Variants in PTPRD observed in about 807,000 individuals in gnomAD.
PTPRD encodes protein tyrosine phosphatase receptor type D.
A neutral mutation model predicts 214.5 loss-of-function variants in PTPRD; 34 were observed. That is an observed-to-expected ratio of 0.16 (90% CI 0.12 to 0.21). The LOEUF is 0.21. Among genes scored for constraint, PTPRD ranks in the 10% least tolerant of loss-of-function variants. The pLI is 1.00. For missense variants in PTPRD, 2,545 were observed against 2,398.7 expected (o/e 1.06, Z -1.27); for synonymous variants, 1,128 against 845.7 (o/e 1.33, Z -5.79).
chr9:9,241,180 T>A (rs10977605), intron 9 of PTPRD, among the ~76,000 whole-genome samples: 16,214 of 152,170 alleles, frequency 0.11, 1,088 homozygotes, highest in Middle Eastern at 0.14. Flanking sequence ...ATTACTTAAA[T>A]GTTAACTTTT....
intron 14 of PTPRD, among the ~76,000 whole-genome samples, chr9:8,553,984 C>T (rs7864977): frequency 0.038 from 5,804 of 151,908 alleles, 315 homozygotes; most frequent in African/African-American, 0.12. Flanking sequence ...GTCAGGAGTT[C>T]GAGACTAGCC....
rs1394653132 is a variant in PTPRD, at chr9:8,482,287, T to TTAAAGCA, written c.3413+1831_3413+1832insTGCTTTA. Reference sequence around the variant, plus strand: ...TCATCATTAAAGCAGCTACCAATAATGTATGCTGTACTACTACTCTAGTGT... The same window carrying TTAAAGCA: ...TCATCATTAAAGCAGCTACCAATAATTAAAGCAGTATGCTGTACTACTACTCTAGTGT... On this transcript the variant is annotated intron_variant, in intron 30 of 45. Transcript: ENST00000381196. Among the ~76,000 whole-genome samples, 437 of 150,674 alleles carry TTAAAGCA rather than the reference T, an allele frequency of 2.9e-3. 2 individuals are homozygous for TTAAAGCA. The highest frequency in any genetic ancestry group is 9.6e-3 in the African/African-American group (394 of 40,858).
chr9:9,790,521 T>C (rs2098959932), intron 5 of PTPRD, among the ~76,000 whole-genome samples: 1 of 152,240 alleles, frequency 6.6e-6, no homozygotes, highest in Admixed American at 6.5e-5. Context: ...AAATGTTTTG[T>C]AAGTTATTCT....
At chr9:9,961,345 G>C (rs934849814) in intron 4 of PTPRD, among the ~76,000 whole-genome samples, 91 of 152,208 alleles carry the variant, frequency 6.0e-4, no homozygotes, top group African/African-American at 2.0e-3. Context: ...GAAACAATAG[G>C]CAATGTATTT....
intron 11 of PTPRD, among the ~76,000 whole-genome samples, chr9:8,801,785 AG>A (rs1370808128): frequency 7.2e-5 from 11 of 152,180 alleles, no homozygotes; most frequent in African/African-American, 2.4e-4. Flanking sequence ...CCTGGCTCCT[AG>A]TGTTACTTCT....
rs1044827535 is a variant in PTPRD, at chr9:8,318,221, T to G, written c.5671-279A>C. On this transcript the variant is annotated intron_variant, in intron 45 of 45. Coordinates refer to ENST00000381196, the MANE Select transcript of PTPRD (RefSeq NM_002839.4). ...ACATTACCTTCCCAGACAAGTGTTT[T>G]CCAAGTAGTATCAAACCATTACCAC... Among the ~76,000 whole-genome samples, 3 of 152,082 alleles carry G rather than the reference T, an allele frequency of 2.0e-5. No homozygotes were observed. In the East Asian group the frequency reaches 5.8e-4, roughly 30 times the overall value.
At chr9:8,346,202 A>G (rs1460956965) in intron 39 of PTPRD, among the ~76,000 whole-genome samples, 1 of 150,230 alleles carries the variant, frequency 6.7e-6, no homozygotes, top group Admixed American at 6.7e-5. Flanking sequence ...ATTGTTATGT[A>G]TTCAAACTCC....
intron 11 of PTPRD, among the ~76,000 whole-genome samples, chr9:8,769,990 G>T (rs2095074165): frequency 6.6e-6 from 1 of 152,090 alleles, no homozygotes; most frequent in Middle Eastern, 3.2e-3. Flanking sequence ...CTGTCTGATT[G>T]AAAGTACCGG....
chr9:8,431,143 C>G (rs2095023775), intron 35 of PTPRD, among the ~76,000 whole-genome samples: 1 of 152,158 alleles, frequency 6.6e-6, no homozygotes, highest in Non-Finnish European at 1.5e-5. Context: ...ATGTGTGTCA[C>G]CACAACAAAC....
At chr9:8,389,484 G>A (rs1312603892) in intron 36 of PTPRD, 77 bp from the exon 37 acceptor site, 3 of 1,104,418 alleles carry the variant, frequency 2.7e-6, no homozygotes, top group Admixed American at 4.8e-5. Flanking sequence ...CCTAATGGCA[G>A]TGCTATCTTA....
intron 2 of PTPRD, among the ~76,000 whole-genome samples, chr9:10,430,799 G>A (rs905781050): frequency 2.0e-5 from 3 of 151,840 alleles, no homozygotes; most frequent in Non-Finnish European, 4.4e-5. Flanking sequence ...CATGGTAGGA[G>A]GCAATAGACC....
chr9:9,779,361 G>A lies in PTPRD; in HGVS notation c.-367-12510C>T, dbSNP rs191980435. On this transcript the variant is annotated intron_variant, in intron 5 of 45. Transcript: ENST00000381196. ...AAACAAAAACTGATAAGTGGCATGG[G>A]ATAAACTAAACAGCTTCTGCACAGC... Among the ~76,000 whole-genome samples, 99 of 152,096 alleles carry A rather than the reference G, an allele frequency of 6.5e-4. No individual in the cohort carries two copies. In the East Asian group the frequency reaches 0.019, roughly 29 times the overall value.
rs185990745 is a variant in PTPRD, at chr9:8,436,799, T to G, written c.3989-110A>C. The G allele has an allele frequency of 4.0e-5, 33 of 817,246 alleles. No homozygotes were observed. The East Asian group carries it at 8.3e-4, about 20-fold the overall frequency. 50.6% of individuals were successfully genotyped at this position (817,246 alleles called of 1,614,324 possible). On this transcript the variant is annotated intron_variant, in intron 34 of 45. Transcript: ENST00000381196. ...TAGAAATGGCCTGAAAATATGTGAG[T>G]AGTAAAGATGTTTTAGGTGAGGAAG...
intron 4 of PTPRD, among the ~76,000 whole-genome samples, chr9:9,989,107 A>G (rs2095825428): frequency 6.7e-6 from 1 of 150,258 alleles, no homozygotes; most frequent in Admixed American, 6.7e-5. Flanking sequence ...GTCCTCTGCC[A>G]AAATTAAGAA....
chr9:10,342,021 G>A (rs193097532), intron 2 of PTPRD, among the ~76,000 whole-genome samples: 49 of 152,110 alleles, frequency 3.2e-4, no homozygotes, highest in African/African-American at 9.4e-4. Context: ...GTGTATGCTA[G>A]GATCAATAAA....
In PTPRD at chr9:8,314,837, C is replaced by G. The variant is rs1003218150; in HGVS notation, c.*3037G>C. ...GTAATATCATTATTGGGTGTAGAAT[C>G]AATAGGGCAGTGCATAGTACAAAGG... is the stretch of plus-strand genomic sequence containing the variant. On this transcript the variant is annotated 3_prime_UTR_variant, in exon 46 of 46. Coordinates refer to ENST00000381196, the MANE Select transcript of PTPRD (RefSeq NM_002839.4). 4.3e-6 allele frequency: 1 copy of G among 232,020 alleles called. No homozygotes were observed. Among genetic ancestry groups the G allele is most frequent in the Admixed American group, 5.7e-5 (1 of 17,668 alleles). 14.4% of individuals were successfully genotyped at this position (232,020 alleles called of 1,614,324 possible).
intron 3 of PTPRD, among the ~76,000 whole-genome samples, chr9:10,298,985 A>G (rs1444665879): frequency 6.6e-6 from 1 of 152,142 alleles, no homozygotes; most frequent in East Asian, 1.9e-4. Flanking sequence ...ACTAAGCTGA[A>G]ATAGAAGCTA....
chr9:8,887,147 C>A (rs1299072655), intron 11 of PTPRD, among the ~76,000 whole-genome samples: 1 of 152,228 alleles, frequency 6.6e-6, no homozygotes, highest in Middle Eastern at 3.4e-3. Context: ...ACATATAAGG[C>A]AAAAGTGGCT....
intron 11 of PTPRD, among the ~76,000 whole-genome samples, chr9:8,996,876 G>A (rs531233334): frequency 1.1e-4 from 16 of 152,138 alleles, no homozygotes; most frequent in Admixed American, 3.3e-4. Context: ...CCATAGCAGA[G>A]GGTGATGGAA....
Sources: gnomAD v4.1 joint callset for allele counts (sites outside exome capture counted in the v4.1 genomes callset) on GRCh38, gnomAD v4.1.1 for gene constraint, MANE v1.5 for transcripts, NCBI Gene and HGNC (gene_info 2026-07-23, HGNC 2026-07-21) for gene names.